The following WHAMM variants were observed in gnomAD, a reference collection of about 807,000 sequenced individuals.
WHAMM encodes WASP homolog-associated protein with actin, membranes and microtubules.
WHAMM carries 67 observed loss-of-function variants against 76.5 expected under a neutral mutation model. That is an observed-to-expected ratio of 0.88 (90% confidence interval 0.72 to 1.07). WHAMM has a LOEUF of 1.07. Among genes scored for constraint, WHAMM ranks in the 50% least tolerant of loss-of-function variants. The pLI is 0.00. For synonymous variants in WHAMM, 419 were observed against 422.1 expected (o/e 0.99, Z 0.09); for missense variants, 1,021 against 1,051.1 (o/e 0.97, Z 0.40).
intron 1 of WHAMM, among the ~76,000 whole-genome samples, chr15:82,811,688 G>C (rs1002988666): frequency 2.0e-5 from 3 of 152,104 alleles, no homozygotes; most frequent in African/African-American, 7.2e-5. Flanking sequence ...ATTGATTCTA[G>C]AATTAGACCA....
chr15:82,810,608 A>T, intron 1 of WHAMM: 1 of 985,474 alleles, frequency 1.0e-6, no homozygotes, highest in Non-Finnish European at 1.2e-6. Flanking sequence ...TTTGCCCTGA[A>T]GATGCTGGCA....
chr15:82,818,694 C>G (rs375349354), intron 4 of WHAMM, among the ~76,000 whole-genome samples: 1 of 152,198 alleles, frequency 6.6e-6, no homozygotes, highest in Non-Finnish European at 1.5e-5. Flanking sequence ...ACTGTAAACA[C>G]CTGTCTTAGT....
chr15:82,822,994 AGTG>A, intron 5 of WHAMM, 103 bp from the exon 6 acceptor site: 1 of 928,750 alleles, frequency 1.1e-6, no homozygotes, highest in Non-Finnish European at 1.5e-6. Flanking sequence ...AGTGCTTCTC[AGTG>A]GTGGGATTAC....
chr15:82,824,283 G>A (rs139469012), intron 6 of WHAMM, among the ~76,000 whole-genome samples: 161 of 148,974 alleles, frequency 1.1e-3, no homozygotes, highest in African/African-American at 3.8e-3. Context: ...TCAGCCTCCC[G>A]TGTAGCTGGG....
Position 82,833,273 on chromosome 15 carries a change from C to T in WHAMM, c.2167C>T (p.Pro723Ser), listed in dbSNP as rs371266223. ...GGCCTCCTTAAGGCATGGCAGAGCT[C>T]CTCTCCGGAAGGTGGAAGTGCCGGC... ...VLASLRHGRAPLRKVEVPAVR... is the reference protein window; with the variant it reads ...VLASLRHGRASLRKVEVPAVR... Residue 723 changes from proline (P) to serine (S), a missense_variant, in exon 10 of 10, where the codon CCT becomes TCT. Physicochemically the swap from Pro to Ser is moderately conservative, Grantham distance 74. This residue lies in a region of WHAMM where 509 missense variants were observed against 492.3 expected (regional missense o/e 1.03). Coordinates refer to ENST00000286760, the MANE Select transcript of WHAMM (RefSeq NM_001080435.3). 6.2e-6 allele frequency: 10 copies of T among 1,613,862 alleles called. No homozygotes were observed.
intron 6 of WHAMM, among the ~76,000 whole-genome samples, chr15:82,826,062 T>G (rs2050926399): frequency 6.6e-6 from 1 of 152,216 alleles, no homozygotes; most frequent in African/African-American, 2.4e-5. Context: ...TGCTCGGAAA[T>G]GTGATGAGTA....
At chr15:82,813,910 T>C (rs1403644171) in intron 2 of WHAMM, among the ~76,000 whole-genome samples, 1 of 152,072 alleles carries the variant, frequency 6.6e-6, no homozygotes, top group Non-Finnish European at 1.5e-5. Flanking sequence ...GCTACCCATC[T>C]CAGCCTCCCA....
intron 1 of WHAMM, chr15:82,810,858 G>T: frequency 1.4e-6 from 1 of 724,290 alleles, no homozygotes; most frequent in South Asian, 6.2e-5. Flanking sequence ...TTATTCATCA[G>T]TTTGGAATGA....
chr15:82,831,418 C>A (rs1240510979), intron 9 of WHAMM, among the ~76,000 whole-genome samples: 1 of 152,178 alleles, frequency 6.6e-6, no homozygotes, highest in Non-Finnish European at 1.5e-5. Context: ...CGTTGGAATA[C>A]TTTTCAATAC....
chr15:82,820,921 GAAAA>G (rs1181119170), intron 5 of WHAMM, among the ~76,000 whole-genome samples: 21 of 123,056 alleles, frequency 1.7e-4, no homozygotes, highest in African/African-American at 6.5e-4. Context: ...AAAAAAAAAA[GAAAA>G]AAGATGCTCC....
chr15:82,818,662 T>TTA (rs1485783967), intron 4 of WHAMM, among the ~76,000 whole-genome samples: 1 of 152,222 alleles, frequency 6.6e-6, no homozygotes, highest in Non-Finnish European at 1.5e-5. Context: ...TCCTATAATC[T>TTA]TATGACTTTA....
intron 8 of WHAMM, 65 bp from the exon 9 acceptor site, chr15:82,830,534 A>G: frequency 1.3e-6 from 2 of 1,557,648 alleles, no homozygotes; most frequent in Non-Finnish European, 1.7e-6. Flanking sequence ...AGATTTCTAG[A>G]AAGTTTCAGC....
At chr15:82,818,354 A>G (rs1456214310) in intron 4 of WHAMM, among the ~76,000 whole-genome samples, 1 of 152,208 alleles carries the variant, frequency 6.6e-6, no homozygotes, top group Non-Finnish European at 1.5e-5. Flanking sequence ...GCTCCCACTT[A>G]TAAGTGAGAC....
chr15:82,833,304 G>C lies in WHAMM; in HGVS notation c.2198G>C (p.Arg733Pro), dbSNP rs367653487. The C allele has an allele frequency of 4.6e-4, 750 of 1,613,898 alleles. No individual in the cohort carries two copies. Among genetic ancestry groups the C allele is most frequent in the Non-Finnish European group, 6.1e-4 (719 of 1,179,836 alleles). ...CGGAAGGTGGAAGTGCCGGCGGTGCGCCCTCCCCACGCCTCAATCAATGAG... is the reference window on the plus strand; with the variant it reads ...CGGAAGGTGGAAGTGCCGGCGGTGCCCCCTCCCCACGCCTCAATCAATGAG... ...PLRKVEVPAV[R>P]PPHASINEHI... The change falls in exon 10 of 10, where the codon CGC becomes CCC. Residue 733 changes from arginine to proline, a missense_variant. By Grantham distance (103) the Arg-to-Pro change is moderately radical. Transcript: ENST00000286760.
rs1366250267 is a variant in WHAMM at position 82,834,529 on chromosome 15, A to G, written c.*993A>G. On this transcript the variant is annotated 3_prime_UTR_variant, in exon 10 of 10. Coordinates refer to ENST00000286760, the MANE Select transcript of WHAMM (RefSeq NM_001080435.3). ...TGATTCTGAAAGAAGTTTACACTAC[A>G]CTGGTAAGCAGTACTATTAGACTAC... The G allele has an allele frequency of 6.6e-6, 1 of 152,622 alleles. No homozygotes were observed. 9.5% of individuals were successfully genotyped at this position (152,622 alleles called of 1,614,324 possible). A position where few individuals can be genotyped will look rare whatever the true frequency, so the allele number is the denominator to read the frequency against.
At position 82,835,546 on chromosome 15, in the gene WHAMM, C is replaced by T. The variant is rs1596292516; in HGVS notation, c.*2010C>T. On this transcript the variant is annotated 3_prime_UTR_variant, in exon 10 of 10. Transcript: ENST00000286760. ...TCTCCCTCTGTGGCATGGCCACTGCCAGGTTTCCCAGCCACTGCCAGGTTG... is the reference window on the plus strand; with the variant it reads ...TCTCCCTCTGTGGCATGGCCACTGCTAGGTTTCCCAGCCACTGCCAGGTTG... 1 of 151,962 alleles carries T rather than the reference C, an allele frequency of 6.6e-6. No individual in the cohort carries two copies. The highest frequency in any genetic ancestry group is 1.5e-5 in the Non-Finnish European group (1 of 68,022). 9.4% of individuals were successfully genotyped at this position (151,962 alleles called of 1,614,324 possible). A position where few individuals can be genotyped will look rare whatever the true frequency, so the allele number is the denominator to read the frequency against.
rs561700448 is a variant in WHAMM at position 82,823,376 on chromosome 15, A to G, written c.1458+89A>G. 33 of 1,155,036 alleles carry G rather than the reference A, an allele frequency of 2.9e-5. No homozygotes were observed. In the East Asian group the frequency reaches 9.4e-4, roughly 33 times the overall value. The allele number at this position is 1,155,036 out of a possible 1,614,324, so 71.5% of individuals were successfully genotyped here. The stretch of plus-strand genomic sequence containing the variant: ...ATAAAGGTATTGAAATAAGGTTTTT[A>G]CCAACACAGTGATTACATTTTGTGT... On this transcript the variant is annotated intron_variant, in intron 6 of 9. Transcript: ENST00000286760.
Position 82,826,811 on chromosome 15 carries a change from C to G in WHAMM, c.1606C>G (p.Gln536Glu). The change falls in exon 8 of 10, where the codon CAA becomes GAA. Residue 536 changes from glutamine to glutamate, a missense_variant. Physicochemically the swap from Gln to Glu is conservative, Grantham distance 29. Coordinates refer to ENST00000286760, the MANE Select transcript of WHAMM (RefSeq NM_001080435.3). The part of the protein sequence containing the change: ...KKKEWINQER[Q>E]KTLQRLRSFK... ...AAAAGAATGGATCAACCAAGAACGT[C>G]AAAAAACACTCCAACGATTGAGATC... The G allele has an allele frequency of 1.2e-5, 18 of 1,549,032 alleles. No individual in the cohort carries two copies. Among genetic ancestry groups the G allele is most frequent in the Non-Finnish European group, 1.6e-5 (18 of 1,146,832 alleles).
At chr15:82,810,426 C>A in intron 1 of WHAMM, 91 bp downstream of exon 1, 1 of 1,221,486 alleles carries the variant, frequency 8.2e-7, no homozygotes, top group Non-Finnish European at 1.0e-6. Context: ...CCCTGGCTGA[C>A]GGCTGACGGG....
Sources: allele counts gnomAD v4.1 joint callset (sites outside exome capture counted in the v4.1 genomes callset), GRCh38; gene constraint gnomAD v4.1.1; regional missense constraint gnomAD v4.1.1; transcripts MANE v1.5; gene names NCBI Gene and HGNC (gene_info 2026-07-23, HGNC 2026-07-21).